Variants in SUGCT observed in about 807,000 individuals in gnomAD.
SUGCT encodes the protein succinyl-CoA:glutarate CoA-transferase.
Under a neutral mutation model 55.0 loss-of-function variants are expected in SUGCT, and 41 were observed. That is an observed-to-expected ratio of 0.74 (90% CI 0.58 to 0.97). The LOEUF is 0.97. Ranked by LOEUF, SUGCT falls within the 50% of genes least tolerant of loss-of-function variation. The probability of loss-of-function intolerance (pLI) is 0.00; values close to 1 mark genes in which losing one functional copy is unlikely to be tolerated. For synonymous variants in SUGCT, 187 were observed against 200.4 expected (o/e 0.93, Z 0.56); for missense variants, 568 against 547.8 (o/e 1.04, Z -0.37).
the SUGCT span, chr7:40,964,987 T>G: frequency 6.6e-6 from 1 of 152,240 alleles, no homozygotes; most frequent in Non-Finnish European, 1.5e-5. Flanking sequence ...CTGTTAATGC[T>G]TCTACCCAAG....
At chr7:40,852,725 G>T (rs17171784) in intron 13 of SUGCT, among the ~76,000 whole-genome samples, 4,259 of 151,580 alleles carry the variant, frequency 0.028, 77 homozygotes, top group Middle Eastern at 0.058. Context: ...CATCTAATCA[G>T]CTTGGCCTCC....
intron 9 of SUGCT, among the ~76,000 whole-genome samples, chr7:40,396,996 T>A (rs1009963129): frequency 2.0e-5 from 3 of 152,210 alleles, no homozygotes; most frequent in African/African-American, 7.2e-5. Context: ...ATATGAATAC[T>A]ATACTGGTCT....
intron 9 of SUGCT, among the ~76,000 whole-genome samples, chr7:40,377,329 G>A (rs563228520): frequency 1.1e-4 from 17 of 148,852 alleles, no homozygotes; most frequent in Non-Finnish European, 2.4e-4. Context: ...TGCAACCTCC[G>A]CCTCCCGGAT....
In SUGCT at chr7:40,329,442, A is replaced by C. The variant is rs77185623; in HGVS notation, c.816+12587A>C. ...CAGGAAATGGTACGTGTGCATGCTG[A>C]GTGGTGCTAGTGAAATAGGAACATT... On this transcript the variant is annotated intron_variant, in intron 9 of 13. Transcript: ENST00000335693. Among the ~76,000 whole-genome samples the C allele has an allele frequency of 3.9e-5, 6 of 152,244 alleles. No homozygotes were observed. The East Asian group carries it at 1.2e-3, about 29-fold the overall frequency.
intron 13 of SUGCT, among the ~76,000 whole-genome samples, chr7:40,854,402 TC>T (rs1563050487): frequency 3.3e-4 from 36 of 107,816 alleles, no homozygotes; most frequent in African/African-American, 1.0e-3. Context: ...TTTTTTTCTT[TC>T]TTTCTTTCTT....
the SUGCT span, among the ~76,000 whole-genome samples, chr7:40,969,431 G>A: frequency 6.6e-6 from 1 of 152,318 alleles, no homozygotes; most frequent in African/African-American, 2.4e-5. Flanking sequence ...CACAATCACA[G>A]CTCACTGCAG....
chr7:40,557,780 AAAAAAAG>A (rs1223867982), intron 12 of SUGCT, among the ~76,000 whole-genome samples: 11 of 151,936 alleles, frequency 7.2e-5, no homozygotes, highest in Admixed American at 2.0e-4. Context: ...CTAAAAAAAA[AAAAAAAG>A]AAAAAAGAAA....
At chr7:40,798,643 A>G (rs557142644) in intron 13 of SUGCT, among the ~76,000 whole-genome samples, 211 of 152,282 alleles carry the variant, frequency 1.4e-3, no homozygotes, top group African/African-American at 4.9e-3. Flanking sequence ...CTTTATTGCC[A>G]TAAGGTTCAA....
intron 12 of SUGCT, among the ~76,000 whole-genome samples, chr7:40,604,956 C>T (rs1231392585): frequency 6.6e-6 from 1 of 152,224 alleles, no homozygotes; most frequent in Non-Finnish European, 1.5e-5. Context: ...GTTTGTTGAA[C>T]AACTTCACCC....
intron 11 of SUGCT, among the ~76,000 whole-genome samples, chr7:40,463,866 T>C (rs1385516364): frequency 1.3e-5 from 2 of 152,138 alleles, no homozygotes; most frequent in Non-Finnish European, 2.9e-5. Flanking sequence ...CTCAATCATG[T>C]TAAAAATCCC....
Position 40,860,164 on chromosome 7 carries a change from G to A in SUGCT, c.1154-152G>A, listed in dbSNP as rs545581557. ...CAAGAAAAGCCACATGTGAAAACAC[G>A]TTTATTTCCAAAACGTTGATGCATC... is the stretch of plus-strand genomic sequence containing the variant. On this transcript the variant is annotated intron_variant, in intron 13 of 13. Coordinates refer to ENST00000335693, the MANE Select transcript of SUGCT (RefSeq NM_001193313.2). Among the ~76,000 whole-genome samples, 19 of 152,310 alleles carry A rather than the reference G, an allele frequency of 1.2e-4. 1 individual carries two copies. The South Asian group carries it at 3.3e-3, about 27-fold the overall frequency.
At chr7:40,697,778 C>T (rs1407602141) in intron 12 of SUGCT, among the ~76,000 whole-genome samples, 1 of 152,170 alleles carries the variant, frequency 6.6e-6, no homozygotes, top group Non-Finnish European at 1.5e-5. Flanking sequence ...GATTTGTGGC[C>T]TTTCCTTCAC....
In SUGCT at chr7:40,772,578, G is replaced by GCTATCTATCTAT. The variant is rs70990645; in HGVS notation, c.1153+23124_1153+23135dup. ...TCTATCTATCTGGTGTTATCTATCTGCTATCTATCTATCTATCTATCTATC... is the reference window on the plus strand; with the variant it reads ...TCTATCTATCTGGTGTTATCTATCTGCTATCTATCTATCTATCTATCTATCTATCTATCTATC... On this transcript the variant is annotated intron_variant, in intron 13 of 13. Coordinates refer to ENST00000335693, the MANE Select transcript of SUGCT (RefSeq NM_001193313.2). Among the ~76,000 whole-genome samples the GCTATCTATCTAT allele has an allele frequency of 9.7e-3, 1,007 of 103,726 alleles. 21 individuals carry two copies. The highest frequency in any genetic ancestry group is 0.016 in the Middle Eastern group (3 of 190). The allele number at this position is 103,726 out of a possible 152,430, so 68.0% of individuals were successfully genotyped here.
rs367845940 is a variant in SUGCT at position 40,675,916 on chromosome 7, C to G, written c.1090-73518C>G. 4.9e-4 allele frequency among the ~76,000 whole-genome samples: 74 copies of G among 152,228 alleles called. 4 individuals carry two copies. The South Asian group carries it at 0.01, about 21-fold the overall frequency. The stretch of plus-strand genomic sequence containing the variant: ...GTGGAGAAATATGAACAAGTATAGA[C>G]AAGAAAGATGTCTGTGGCCGCAGTC... On this transcript the variant is annotated intron_variant, in intron 12 of 13. Transcript: ENST00000335693.
At chr7:40,195,597 C>A (rs1429975741) in intron 6 of SUGCT, among the ~76,000 whole-genome samples, 2 of 149,866 alleles carry the variant, frequency 1.3e-5, no homozygotes, top group Non-Finnish European at 3.0e-5. Context: ...TGTATTTCTT[C>A]TTTGAATTGT....
intron 12 of SUGCT, among the ~76,000 whole-genome samples, chr7:40,614,353 A>G (rs1473104611): frequency 2.0e-5 from 3 of 152,230 alleles, no homozygotes; most frequent in Non-Finnish European, 2.9e-5. Context: ...CCACCAGCAC[A>G]TACAATGTAA....
chr7:40,797,245 T>C (rs1221753078), intron 13 of SUGCT, among the ~76,000 whole-genome samples: 2 of 152,224 alleles, frequency 1.3e-5, no homozygotes, highest in Non-Finnish European at 2.9e-5. Flanking sequence ...TTCATAGTTA[T>C]AGCAATAGCT....
intron 9 of SUGCT, among the ~76,000 whole-genome samples, chr7:40,444,383 T>G (rs1788694641): frequency 6.6e-6 from 1 of 152,144 alleles, no homozygotes; most frequent in South Asian, 2.1e-4. Flanking sequence ...TTTGTTTGTG[T>G]TCTCTTTTAT....
chr7:40,947,416 T>C, the SUGCT span, among the ~76,000 whole-genome samples: 1 of 152,214 alleles, frequency 6.6e-6, no homozygotes, highest in Non-Finnish European at 1.5e-5. Context: ...TTAAAGTCTT[T>C]TTATAGTAAG....
Sources: allele counts gnomAD v4.1 joint callset (sites outside exome capture counted in the v4.1 genomes callset), GRCh38; gene constraint gnomAD v4.1.1; transcripts MANE v1.5; gene names NCBI Gene and HGNC (gene_info 2026-07-23, HGNC 2026-07-21).